RALY: variants seen among roughly 807,000 people sequenced by gnomAD.
RALY encodes the protein RALY heterogeneous nuclear ribonucleoprotein, also known as RNA-binding protein Raly.
RALY carries 15 observed loss-of-function variants against 30.7 expected under a neutral mutation model. The observed-to-expected ratio is 0.49, with a 90% CI of 0.33 to 0.75. RALY has a LOEUF of 0.75. Among genes scored for constraint, RALY ranks in the 30% least tolerant of loss-of-function variants. The pLI, the probability that RALY is intolerant of heterozygous loss-of-function variation, is 0.02. For missense variants in RALY, 339 were observed against 414.3 expected (o/e 0.82, Z 1.58); for synonymous variants, 177 against 170.8 (o/e 1.04, Z -0.28).
chr20:34,012,080 A>G (rs2031422833), intron 1 of RALY, among the ~76,000 whole-genome samples: 1 of 150,960 alleles, frequency 6.6e-6, no homozygotes. Context: ...AAAAAAAAAA[A>G]GAAAAAGAAA....
rs572688441 is a variant in RALY, at chr20:34,031,250, A to G, written c.-92-272A>G. ...TTTTTTTTGTATTTTTAGTAGAGACAGGGTTTCACCATGTTGGCCGGGCTC... is the reference window on the plus strand; with the variant it reads ...TTTTTTTTGTATTTTTAGTAGAGACGGGGTTTCACCATGTTGGCCGGGCTC... On this transcript the variant is annotated intron_variant, in intron 1 of 9. Transcript: ENST00000246194. Among the ~76,000 whole-genome samples the G allele has an allele frequency of 7.0e-4, 99 of 141,794 alleles. 2 individuals are homozygous for G. The South Asian group carries it at 0.022, about 31-fold the overall frequency. The allele number at this position is 141,794 out of a possible 152,430, so 93.0% of individuals were successfully genotyped here.
At chr20:34,031,211 ATTTTT>A (rs11297874) in intron 1 of RALY, among the ~76,000 whole-genome samples, 1 of 110,872 alleles carries the variant, frequency 9.0e-6, no homozygotes, top group African/African-American at 3.4e-5. Flanking sequence ...TGCCTGGCTA[ATTTTT>A]TTTTTTTTTT....
intron 1 of RALY, among the ~76,000 whole-genome samples, chr20:34,010,543 T>G (rs2031355608): frequency 6.6e-6 from 1 of 152,144 alleles, no homozygotes; most frequent in Non-Finnish European, 1.5e-5. Flanking sequence ...GGCCTGAAAG[T>G]AGGCAAAAGA....
Position 34,078,570 on chromosome 20 carries a change from C to A in RALY, c.*4+17C>A. 6.5e-7 allele frequency: 1 copy of A among 1,547,992 alleles called. No individual in the cohort carries two copies. The highest frequency in any genetic ancestry group is 8.7e-7 in the Non-Finnish European group (1 of 1,148,114). ...AGTAAGCAGGTACAGGGGTCCTGTC[C>A]TGATGGGCAGAGGGTGGGGAATCAG... On this transcript the variant is annotated intron_variant, in intron 9 of 9. Transcript: ENST00000246194.
rs2122346701 is a variant in RALY, at chr20:34,080,152, T to TC, written c.*251dup. 6.6e-6 allele frequency: 1 copy of TC among 152,632 alleles called. No individual in the cohort carries two copies. Among genetic ancestry groups the TC allele is most frequent in the South Asian group, 2.1e-4 (1 of 4,836 alleles). The allele number at this position is 152,632 out of a possible 1,614,324, so 9.5% of individuals were successfully genotyped here. A position where few individuals can be genotyped will look rare whatever the true frequency, so the allele number is the denominator to read the frequency against. On this transcript the variant is annotated 3_prime_UTR_variant, in exon 10 of 10. Transcript: ENST00000246194. ...GGCCAGAGGGTAGAGCACAGGGGTTTCCCCATACTACCTCCCCTCCCCAGG... is the reference window on the plus strand; with the variant it reads ...GGCCAGAGGGTAGAGCACAGGGGTTTCCCCCATACTACCTCCCCTCCCCAGG...
intron 2 of RALY, among the ~76,000 whole-genome samples, chr20:34,042,528 G>T (rs1421287646): frequency 6.6e-6 from 1 of 152,124 alleles, no homozygotes; most frequent in Admixed American, 6.5e-5. Flanking sequence ...ATGACATCTG[G>T]TTCCTGTGAG....
At chr20:33,994,238 C>G (rs1601383735) in intron 1 of RALY, 107 bp downstream of exon 1, 1 of 152,490 alleles carries the variant, frequency 6.6e-6, no homozygotes, top group South Asian at 2.1e-4. Flanking sequence ...TTTTTAGAAA[C>G]TTATTTCTGC....
At chr20:34,010,424 G>T (rs2031350597) in intron 1 of RALY, among the ~76,000 whole-genome samples, 1 of 152,118 alleles carries the variant, frequency 6.6e-6, no homozygotes, top group South Asian at 2.1e-4. Flanking sequence ...TAGGGATAGG[G>T]TCTTGCTCTT....
intron 1 of RALY, among the ~76,000 whole-genome samples, chr20:34,003,238 C>CCA (rs999487785): frequency 6.6e-6 from 1 of 152,180 alleles, no homozygotes; most frequent in Non-Finnish European, 1.5e-5. Context: ...TCTTCTCTCT[C>CCA]TTTGAAGTTC....
In RALY at chr20:34,045,064, C is replaced by A. The variant is rs374770384; in HGVS notation, c.-10+13460C>A. On this transcript the variant is annotated intron_variant, in intron 2 of 9. Coordinates refer to ENST00000246194, the MANE Select transcript of RALY (RefSeq NM_016732.3). The stretch of plus-strand genomic sequence containing the variant: ...AGCTGGGACTACAGGCATGCACCAC[C>A]ACACCTAGCTAATTAAAAATTTTTT... Among the ~76,000 whole-genome samples the A allele has an allele frequency of 3.3e-5, 5 of 152,194 alleles. No individual in the cohort carries two copies. In the South Asian group the frequency reaches 1.0e-3, roughly 32 times the overall value.
intron 1 of RALY, among the ~76,000 whole-genome samples, chr20:33,999,005 C>G (rs1601392306): frequency 6.6e-6 from 1 of 151,568 alleles, no homozygotes; most frequent in East Asian, 1.9e-4. Context: ...TGGCAGGCAC[C>G]TGTAATCCCA....
In RALY at chr20:33,999,903, A is replaced by G. The variant is rs187799216; in HGVS notation, c.-93+5772A>G. ...TCTGAATAATGACTAGATGACCCAT[A>G]AGGTCCCTTCTAGCAATTACATTTT... On this transcript the variant is annotated intron_variant, in intron 1 of 9. Transcript: ENST00000246194. Among the ~76,000 whole-genome samples the G allele has an allele frequency of 4.4e-4, 67 of 152,074 alleles. 2 individuals carry two copies. Among genetic ancestry groups the G allele is most frequent in the Admixed American group, 4.2e-3 (64 of 15,272 alleles).
At chr20:34,053,406 T>TTTTTTTTTTG in intron 2 of RALY, among the ~76,000 whole-genome samples, 1 of 136,092 alleles carries the variant, frequency 7.3e-6, no homozygotes, top group East Asian at 2.1e-4. Context: ...TTTTTTTTTT[T>TTTTTTTTTTG]TTTTTTTTTG....
At chr20:34,077,704 C>T (rs557413246) in intron 8 of RALY, 15 of 219,780 alleles carry the variant, frequency 6.8e-5, no homozygotes, top group Non-Finnish European at 1.1e-4. Context: ...AGGCTGAGGC[C>T]GGCAGGCCAT....
chr20:34,046,892 T>A (rs2032901243), intron 2 of RALY, among the ~76,000 whole-genome samples: 1 of 146,802 alleles, frequency 6.8e-6, no homozygotes, highest in Admixed American at 7.1e-5. Context: ...TGACCTCGGC[T>A]CACTGCAGCC....
chr20:34,006,161 T>TA (rs1342129160), intron 1 of RALY, among the ~76,000 whole-genome samples: 1 of 152,206 alleles, frequency 6.6e-6, no homozygotes, highest in Non-Finnish European at 1.5e-5. Flanking sequence ...ATTTCAAACA[T>TA]ACACAAAATC....
chr20:34,071,204 C>T (rs1169904616), intron 2 of RALY, among the ~76,000 whole-genome samples: 1 of 152,118 alleles, frequency 6.6e-6, no homozygotes, highest in Non-Finnish European at 1.5e-5. Context: ...AAACCATTAT[C>T]GGGCTTAGCT....
chr20:34,072,001 T>C (rs1361313280), intron 2 of RALY, 65 bp from the exon 3 acceptor site: 1 of 1,546,798 alleles, frequency 6.5e-7, no homozygotes, highest in Admixed American at 1.9e-5. Flanking sequence ...ATCCAGGATA[T>C]GGGCCGTGGG....
intron 9 of RALY, among the ~76,000 whole-genome samples, chr20:34,079,701 T>G (rs986781900): frequency 6.6e-6 from 1 of 152,196 alleles, no homozygotes; most frequent in African/African-American, 2.4e-5. Context: ...AGGTGAGTTA[T>G]ATGGGCTCAG....
Sources: allele counts gnomAD v4.1 joint callset (sites outside exome capture counted in the v4.1 genomes callset), GRCh38; gene constraint gnomAD v4.1.1; transcripts MANE v1.5; gene names NCBI Gene and HGNC (gene_info 2026-07-23, HGNC 2026-07-21).